CDH7: variants seen among roughly 807,000 people sequenced by gnomAD.
CDH7 encodes the protein cadherin-7.
In CDH7, 25 loss-of-function variants were observed where a neutral mutation model predicts 71.8. The observed-to-expected ratio is 0.35, with a 90% CI of 0.25 to 0.49. The LOEUF is 0.49. Among genes scored for constraint, CDH7 ranks in the 20% least tolerant of loss-of-function variants. CDH7 has a pLI of 0.99. For synonymous variants in CDH7, 381 were observed against 363.8 expected (o/e 1.05, Z -0.54); for missense variants, 862 against 974.6 (o/e 0.88, Z 1.54).
At chr18:65,838,396 A>G (rs73524537) in intron 6 of CDH7, among the ~76,000 whole-genome samples, 9,309 of 152,304 alleles carry the variant, frequency 0.061, 336 homozygotes, top group Non-Finnish European at 0.069. Context: ...AAACAGCTAG[A>G]ATCTCCAGAG....
chr18:65,781,772 T>TA (rs1910205434), intron 2 of CDH7, among the ~76,000 whole-genome samples: 8 of 75,746 alleles, frequency 1.1e-4, no homozygotes, highest in Admixed American at 2.7e-4. Flanking sequence ...CTTTCTTTCC[T>TA]TCCTTCCTTC....
intron 6 of CDH7, among the ~76,000 whole-genome samples, chr18:65,834,682 A>T (rs1002851756): frequency 5.9e-5 from 9 of 152,230 alleles, no homozygotes; most frequent in African/African-American, 2.2e-4. Flanking sequence ...CGTAGTAATG[A>T]TGGGACATAA....
intron 11 of CDH7, among the ~76,000 whole-genome samples, chr18:65,869,112 C>G (rs1191699193): frequency 6.6e-6 from 1 of 152,092 alleles, no homozygotes; most frequent in Admixed American, 6.6e-5. Context: ...TCCGTCTTCT[C>G]GCTTGCATCC....
rs191067842 is a variant in CDH7, at chr18:65,792,839, A to T, written c.211-16865A>T. Among the ~76,000 whole-genome samples the T allele has an allele frequency of 6.8e-3, 1,039 of 152,278 alleles. 10 individuals are homozygous for T. Among genetic ancestry groups the T allele is most frequent in the African/African-American group, 0.024 (997 of 41,564 alleles). On this transcript the variant is annotated intron_variant, in intron 2 of 11. Transcript: ENST00000397968. ...TACATCAAGCATTTTGTAACATTTT[A>T]AAAATCATTATTAAAGATAAGGGAG...
chr18:65,853,556 G>A (rs138212160), intron 7 of CDH7, among the ~76,000 whole-genome samples: 8 of 151,622 alleles, frequency 5.3e-5, no homozygotes, highest in African/African-American at 1.5e-4. Flanking sequence ...TGCATGTCCA[G>A]AGGGGCTGGT....
chr18:65,864,366 T>C (rs1037648570), intron 11 of CDH7, among the ~76,000 whole-genome samples: 2 of 151,804 alleles, frequency 1.3e-5, no homozygotes, highest in African/African-American at 4.8e-5. Context: ...CATTATGAAA[T>C]GTTTTGCGGT....
At chr18:65,787,031 C>G in intron 2 of CDH7, among the ~76,000 whole-genome samples, 1 of 151,298 alleles carries the variant, frequency 6.6e-6, no homozygotes, top group Non-Finnish European at 1.5e-5. Context: ...TTTTTTTTTT[C>G]CCTGACACAA....
At chr18:65,787,881 T>C (rs1489833502) in intron 2 of CDH7, among the ~76,000 whole-genome samples, 5 of 152,050 alleles carry the variant, frequency 3.3e-5, no homozygotes, top group Non-Finnish European at 2.9e-5. Flanking sequence ...ATATATTTCC[T>C]GAAAAAGTTG....
At chr18:65,874,988 C>T (rs1037660101) in intron 11 of CDH7, among the ~76,000 whole-genome samples, 7 of 152,206 alleles carry the variant, frequency 4.6e-5, no homozygotes, top group African/African-American at 1.2e-4. Context: ...ACCTGAGGCC[C>T]GCGGGCCACA....
At chr18:65,815,925 A>T (rs1230530489) in intron 4 of CDH7, among the ~76,000 whole-genome samples, 1 of 152,022 alleles carries the variant, frequency 6.6e-6, no homozygotes, top group African/African-American at 2.4e-5. Flanking sequence ...ACAATCATAC[A>T]CTCCTGCCTT....
intron 2 of CDH7, among the ~76,000 whole-genome samples, chr18:65,781,472 A>G (rs1265418846): frequency 6.6e-6 from 1 of 152,070 alleles, no homozygotes; most frequent in Non-Finnish European, 1.5e-5. Context: ...TAACCTAACT[A>G]TTTTTACACA....
At chr18:65,840,704 G>A (rs1403417814) in intron 6 of CDH7, among the ~76,000 whole-genome samples, 1 of 152,082 alleles carries the variant, frequency 6.6e-6, no homozygotes, top group African/African-American at 2.4e-5. Flanking sequence ...TGTCATGGTT[G>A]TGAGACCTCC....
rs114943543 is a variant in CDH7 at position 65,836,114 on chromosome 18, C to A, written c.982-7698C>A. Among the ~76,000 whole-genome samples, 414 of 152,280 alleles carry A rather than the reference C, an allele frequency of 2.7e-3. 1 individual carries two copies. Among genetic ancestry groups the A allele is most frequent in the African/African-American group, 9.6e-3 (397 of 41,548 alleles). On this transcript the variant is annotated intron_variant, in intron 6 of 11. Coordinates refer to ENST00000397968, the MANE Select transcript of CDH7 (RefSeq NM_004361.5). Reference sequence around the variant, plus strand: ...ACACTGGAACAATTCTTCCCCGAAGCCTCCAGAAAGAATGAAGCTCTGCCA... The same window carrying A: ...ACACTGGAACAATTCTTCCCCGAAGACTCCAGAAAGAATGAAGCTCTGCCA...
At chr18:65,844,453 G>A (rs1346425164) in intron 7 of CDH7, among the ~76,000 whole-genome samples, 3 of 151,652 alleles carry the variant, frequency 2.0e-5, no homozygotes, top group Non-Finnish European at 4.4e-5. Context: ...ATTCAAATTA[G>A]GGACTAATTT....
rs1329376450 is a variant in CDH7, at chr18:65,854,919, A to ATG, written c.1236-2897_1236-2896insTG. ...ACGTATGTATGTAGTATATGTGTACACATATATATATATACACACACATAT... is the reference window on the plus strand; with the variant it reads ...ACGTATGTATGTAGTATATGTGTACATGCATATATATATATACACACACATAT... On this transcript the variant is annotated intron_variant, in intron 7 of 11. Transcript: ENST00000397968. Among the ~76,000 whole-genome samples the ATG allele has an allele frequency of 1.4e-4, 6 of 43,220 alleles. No individual in the cohort carries two copies. The East Asian group carries it at 2.5e-3, about 18-fold the overall frequency. 28.4% of individuals were successfully genotyped at this position (43,220 alleles called of 152,430 possible). A position where few individuals can be genotyped will look rare whatever the true frequency, so the allele number is the denominator to read the frequency against.
At position 65,755,722 on chromosome 18, in the gene CDH7, A is replaced by G. The variant is rs1275674486; in HGVS notation, c.-197+4572A>G. Among the ~76,000 whole-genome samples the G allele has an allele frequency of 3.3e-5, 5 of 152,322 alleles. No homozygotes were observed. In the East Asian group the frequency reaches 7.7e-4, roughly 24 times the overall value. On this transcript the variant is annotated intron_variant, in intron 1 of 11. Coordinates refer to ENST00000397968, the MANE Select transcript of CDH7 (RefSeq NM_004361.5). ...TCTACAATAAAAATAGGCAAAAGCAACAATGAATAAGTACTATCCTTTACA... is the reference window on the plus strand; with the variant it reads ...TCTACAATAAAAATAGGCAAAAGCAGCAATGAATAAGTACTATCCTTTACA...
At chr18:65,877,477 A>G (rs1250494794) in intron 11 of CDH7, among the ~76,000 whole-genome samples, 2 of 152,128 alleles carry the variant, frequency 1.3e-5, no homozygotes, top group Non-Finnish European at 2.9e-5. Context: ...GTCTACTTAG[A>G]CATTGATTTA....
intron 6 of CDH7, among the ~76,000 whole-genome samples, chr18:65,843,261 A>T (rs1282303795): frequency 6.6e-6 from 1 of 152,150 alleles, no homozygotes; most frequent in Admixed American, 6.6e-5. Context: ...GAAGGCAGAC[A>T]TGATGGGTGC....
At chr18:65,806,164 A>T (rs971193575) in intron 2 of CDH7, among the ~76,000 whole-genome samples, 4 of 152,164 alleles carry the variant, frequency 2.6e-5, no homozygotes, top group Non-Finnish European at 5.9e-5. Context: ...CTTACATATT[A>T]ATACATGATG....
Sources: allele counts gnomAD v4.1 joint callset (sites outside exome capture counted in the v4.1 genomes callset), GRCh38; gene constraint gnomAD v4.1.1; transcripts MANE v1.5; gene names NCBI Gene and HGNC (gene_info 2026-07-23, HGNC 2026-07-21).